Variants in EPHA5 observed in about 807,000 individuals in gnomAD.
EPHA5 encodes ephrin type-A receptor 5.
Under a neutral mutation model 105.0 loss-of-function variants are expected in EPHA5, and 60 were observed. The observed-to-expected ratio is 0.57, with a 90% CI of 0.46 to 0.71. The LOEUF (loss-of-function observed/expected upper bound fraction) is 0.71, where lower values mean the gene tolerates loss of function less well. Among genes scored for constraint, EPHA5 ranks in the 30% least tolerant of loss-of-function variants. EPHA5 has a pLI of 0.00. For missense variants in EPHA5, 1,218 were observed against 1,274.7 expected (o/e 0.96, Z 0.68); for synonymous variants, 513 against 449.1 (o/e 1.14, Z -1.80).
At chr4:65,599,659 C>T (rs1743521228) in intron 3 of EPHA5, among the ~76,000 whole-genome samples, 1 of 152,100 alleles carries the variant, frequency 6.6e-6, no homozygotes, top group African/African-American at 2.4e-5. Flanking sequence ...ACCACTGCTC[C>T]TACTACCAAG....
chr4:65,599,396 G>T (rs1030527964), intron 3 of EPHA5, among the ~76,000 whole-genome samples: 9 of 147,722 alleles, frequency 6.1e-5, no homozygotes, highest in African/African-American at 2.2e-4. Flanking sequence ...TGTACTTATT[G>T]TGTACAGATA....
chr4:65,635,962 G>A (rs1747087524), intron 2 of EPHA5, among the ~76,000 whole-genome samples: 1 of 152,060 alleles, frequency 6.6e-6, no homozygotes, highest in Non-Finnish European at 1.5e-5. Flanking sequence ...AGAGTCTATT[G>A]GGTTTACTAT....
intron 2 of EPHA5, among the ~76,000 whole-genome samples, chr4:65,615,217 G>A (rs970769388): frequency 1.3e-5 from 2 of 151,492 alleles, no homozygotes; most frequent in Admixed American, 6.6e-5. Context: ...GAAGGAGTAA[G>A]AGAAAAAAAT....
chr4:65,491,051 A>T lies in EPHA5; in HGVS notation c.1067-339T>A, dbSNP rs1474495731. ...TATAAACTGGTGAGTTTCCTTGGGGATTGAACTGAATGTTTCCTCATTGGT... is the reference window on the plus strand; with the variant it reads ...TATAAACTGGTGAGTTTCCTTGGGGTTTGAACTGAATGTTTCCTCATTGGT... On this transcript the variant is annotated intron_variant, in intron 4 of 16. Transcript: ENST00000613740. Among the ~76,000 whole-genome samples the T allele has an allele frequency of 2.0e-5, 3 of 152,108 alleles. No homozygotes were observed. The East Asian group carries it at 5.8e-4, about 29-fold the overall frequency.
intron 2 of EPHA5, among the ~76,000 whole-genome samples, chr4:65,602,782 T>C (rs1743866235): frequency 6.6e-6 from 1 of 152,146 alleles, no homozygotes; most frequent in Non-Finnish European, 1.5e-5. Flanking sequence ...GAGAAAAATG[T>C]AATATAAAAA....
chr4:65,580,967 T>C (rs1277548539), intron 3 of EPHA5, among the ~76,000 whole-genome samples: 1 of 151,854 alleles, frequency 6.6e-6, no homozygotes, highest in East Asian at 1.9e-4. Flanking sequence ...TAATTCAGGT[T>C]TTCTTTCCAG....
intron 1 of EPHA5, among the ~76,000 whole-genome samples, chr4:65,652,302 T>G (rs1186088029): frequency 2.6e-5 from 4 of 152,200 alleles, no homozygotes; most frequent in Non-Finnish European, 5.9e-5. Context: ...GTTCCAGTTC[T>G]GCTACTGTGT....
chr4:65,604,980 G>A (rs373449505), intron 2 of EPHA5, among the ~76,000 whole-genome samples: 22 of 152,290 alleles, frequency 1.4e-4, no homozygotes, highest in African/African-American at 5.1e-4. Context: ...TTGGAAGCAT[G>A]GATTGCTGAA....
chr4:65,600,019 TCTCTA>T (rs1388910187), intron 3 of EPHA5, among the ~76,000 whole-genome samples: 1 of 152,152 alleles, frequency 6.6e-6, no homozygotes, highest in Non-Finnish European at 1.5e-5. Context: ...GCTCACATAT[TCTCTA>T]AAATGATAGA....
At chr4:65,497,512 T>C (rs144591406) in intron 3 of EPHA5, among the ~76,000 whole-genome samples, 3 of 152,224 alleles carry the variant, frequency 2.0e-5, no homozygotes, top group East Asian at 1.9e-4. Context: ...TTTCTTATAA[T>C]AGGATTGCTA....
chr4:65,385,110 G>A (rs1272201196), intron 8 of EPHA5, among the ~76,000 whole-genome samples: 2 of 151,676 alleles, frequency 1.3e-5, no homozygotes, highest in Non-Finnish European at 2.9e-5. Context: ...AAGTGATGCT[G>A]TTTTCGTCAG....
At chr4:65,351,262 T>TC (rs940749388) in intron 13 of EPHA5, 127 bp downstream of exon 13, 1 of 796,658 alleles carries the variant, frequency 1.3e-6, no homozygotes, top group African/African-American at 1.7e-5. Flanking sequence ...TCTCTCCCTC[T>TC]CCCCCTCATT....
intron 14 of EPHA5, among the ~76,000 whole-genome samples, chr4:65,338,047 A>T (rs988467096): frequency 6.6e-6 from 1 of 152,084 alleles, no homozygotes; most frequent in Non-Finnish European, 1.5e-5. Context: ...ATAACTTATT[A>T]AAATTTATAC....
At chr4:65,427,907 T>TATG (rs1430375703) in intron 5 of EPHA5, among the ~76,000 whole-genome samples, 1 of 152,206 alleles carries the variant, frequency 6.6e-6, no homozygotes, top group East Asian at 1.9e-4. Context: ...CTTTACTATC[T>TATG]ATGTGTATGA....
chr4:65,414,141 T>C, intron 7 of EPHA5, 143 bp downstream of exon 7: 1 of 710,004 alleles, frequency 1.4e-6, no homozygotes, highest in South Asian at 1.8e-5. Context: ...GCATGACAGA[T>C]GCTTCCTACC....
chr4:65,476,761 A>G (rs896790655), intron 5 of EPHA5, among the ~76,000 whole-genome samples: 1 of 152,130 alleles, frequency 6.6e-6, no homozygotes, highest in African/African-American at 2.4e-5. Flanking sequence ...AGAAAGATTA[A>G]CTAAGTAGGC....
At chr4:65,448,701 A>T (rs1018295949) in intron 5 of EPHA5, among the ~76,000 whole-genome samples, 1 of 152,150 alleles carries the variant, frequency 6.6e-6, no homozygotes, top group Non-Finnish European at 1.5e-5. Flanking sequence ...ACTTACAGTT[A>T]TTTTGAATAA....
chr4:65,486,738 A>G (rs563456103), intron 5 of EPHA5, among the ~76,000 whole-genome samples: 2 of 152,258 alleles, frequency 1.3e-5, no homozygotes, highest in Non-Finnish European at 2.9e-5. Flanking sequence ...GTGTTTTGCC[A>G]TGGTGGCATT....
intron 11 of EPHA5, 71 bp downstream of exon 11, chr4:65,364,946 C>A (rs1717715880): frequency 1.6e-6 from 2 of 1,259,302 alleles, no homozygotes; most frequent in Non-Finnish European, 2.2e-6. Flanking sequence ...TTCTCTTTAC[C>A]CTAAATTAAT....
Sources: gnomAD v4.1 joint callset for allele counts (sites outside exome capture counted in the v4.1 genomes callset) on GRCh38, gnomAD v4.1.1 for gene constraint, MANE v1.5 for transcripts, NCBI Gene and HGNC (gene_info 2026-07-23, HGNC 2026-07-21) for gene names.